SDC2: variants seen among roughly 807,000 people sequenced by gnomAD.
SDC2 encodes syndecan 2, also known as syndecan-2.
In SDC2, 13 loss-of-function variants were observed where a neutral mutation model predicts 22.2. That is an observed-to-expected ratio of 0.59 (90% CI 0.38 to 0.93). SDC2 has a LOEUF of 0.93. Ranked by LOEUF, SDC2 falls within the 40% of genes least tolerant of loss-of-function variation. The pLI, the probability that SDC2 is intolerant of heterozygous loss-of-function variation, is 0.00. For missense variants in SDC2, 235 were observed against 246.8 expected, an observed-to-expected ratio of 0.95 and a Z score of 0.32; for synonymous variants, 94 against 92.8, an observed-to-expected ratio of 1.01 and a Z score of -0.07.
At chr8:96,585,394 C>T (rs1814664747) in intron 1 of SDC2, among the ~76,000 whole-genome samples, 1 of 152,128 alleles carries the variant, frequency 6.6e-6, no homozygotes, top group Admixed American at 6.5e-5. Context: ...TGGCTTGGAA[C>T]ACCTGAGGGT....
At chr8:96,515,615 C>A (rs1813390043) in intron 1 of SDC2, among the ~76,000 whole-genome samples, 2 of 152,122 alleles carry the variant, frequency 1.3e-5, no homozygotes. Flanking sequence ...AAATTCCCAG[C>A]AGATTTTTTC....
chr8:96,608,469 A>C lies in SDC2; in HGVS notation c.441A>C (p.Ala147=). ...TGTTTAAACGGACAGAAGTCCTAGCAGGTGAGTAGCCTGGTGGGCCTCAGG... is the reference window on the plus strand; with the variant it reads ...TGTTTAAACGGACAGAAGTCCTAGCCGGTGAGTAGCCTGGTGGGCCTCAGG... ...DSLFKRTEVL[A]AVIAGGVIGF... is the part of the protein sequence containing the mutation. Residue 147 remains alanine, a splice_region_variant and synonymous_variant, in exon 4 of 5, where the codon GCA becomes GCC. Coordinates refer to ENST00000302190, the MANE Select transcript of SDC2 (RefSeq NM_002998.4). 1.2e-6 allele frequency: 2 copies of C among 1,610,544 alleles called. No individual in the cohort carries two copies. Among genetic ancestry groups the C allele is most frequent in the African/African-American group, 2.7e-5 (2 of 74,974 alleles).
chr8:96,536,011 G>A (rs1369391891), intron 1 of SDC2, among the ~76,000 whole-genome samples: 1 of 152,180 alleles, frequency 6.6e-6, no homozygotes, highest in African/African-American at 2.4e-5. Flanking sequence ...ATTTGTGTAT[G>A]TCAGCCCACT....
chr8:96,579,913 G>A (rs1360390258), intron 1 of SDC2, among the ~76,000 whole-genome samples: 1 of 152,080 alleles, frequency 6.6e-6, no homozygotes, highest in Non-Finnish European at 1.5e-5. Context: ...TAGTTTCTTA[G>A]CATGGGATTG....
chr8:96,583,394 G>A (rs1453320706), intron 1 of SDC2, among the ~76,000 whole-genome samples: 2 of 141,966 alleles, frequency 1.4e-5, no homozygotes, highest in African/African-American at 5.3e-5. Flanking sequence ...TATGACATAT[G>A]TGTGTGTGTG....
intron 1 of SDC2, among the ~76,000 whole-genome samples, chr8:96,553,841 C>T (rs777863465): frequency 1.1e-4 from 17 of 152,048 alleles, no homozygotes; most frequent in South Asian, 6.2e-4. Flanking sequence ...GGCACAATCT[C>T]GGCTCACTGC....
chr8:96,507,647 C>T (rs1029137566), intron 1 of SDC2, among the ~76,000 whole-genome samples: 3 of 152,072 alleles, frequency 2.0e-5, no homozygotes, highest in Non-Finnish European at 4.4e-5. Context: ...AGAATCGGGA[C>T]CAGAAGCAAA....
At chr8:96,599,935 G>A (rs1054857730) in intron 2 of SDC2, among the ~76,000 whole-genome samples, 2 of 152,150 alleles carry the variant, frequency 1.3e-5, no homozygotes, top group Non-Finnish European at 2.9e-5. Context: ...GAGCTCAGGA[G>A]CTCGAGACCA....
chr8:96,606,790 G>A (rs1306272446), intron 3 of SDC2, among the ~76,000 whole-genome samples: 1 of 152,202 alleles, frequency 6.6e-6, no homozygotes, highest in African/African-American at 2.4e-5. Flanking sequence ...ATAATCCTGG[G>A]GGTTTAGTGA....
At chr8:96,595,944 G>A (rs1231185448) in intron 2 of SDC2, among the ~76,000 whole-genome samples, 1 of 152,226 alleles carries the variant, frequency 6.6e-6, no homozygotes, top group East Asian at 1.9e-4. Flanking sequence ...AAGTGAAAGA[G>A]CTTCGTTCTT....
At position 96,561,988 on chromosome 8, in the gene SDC2, T is replaced by TTAATTA. The variant is rs543285138; in HGVS notation, c.61-31487_61-31482dup. ...GACAGTGTCTTTCCCAGAGAAGTTT[T>TTAATTA]TAATTATAATGCAGTCTAGCTTATC... On this transcript the variant is annotated intron_variant, in intron 1 of 4. Transcript: ENST00000302190. Among the ~76,000 whole-genome samples the TTAATTA allele has an allele frequency of 2.6e-3, 397 of 152,326 alleles. 2 individuals are homozygous for TTAATTA. The highest frequency in any genetic ancestry group is 9.2e-3 in the African/African-American group (382 of 41,564).
At chr8:96,597,749 A>C (rs1030741733) in intron 2 of SDC2, among the ~76,000 whole-genome samples, 15 of 152,202 alleles carry the variant, frequency 9.9e-5, no homozygotes, top group Admixed American at 3.9e-4. Flanking sequence ...GGAAGGTGAG[A>C]AGACACAGAG....
At chr8:96,575,140 G>A (rs1814466115) in intron 1 of SDC2, among the ~76,000 whole-genome samples, 1 of 152,118 alleles carries the variant, frequency 6.6e-6, no homozygotes, top group African/African-American at 2.4e-5. Context: ...TCTGTGGCCT[G>A]GGGGTTGGGA....
At chr8:96,582,469 G>A (rs763978647) in intron 1 of SDC2, among the ~76,000 whole-genome samples, 2 of 152,110 alleles carry the variant, frequency 1.3e-5, no homozygotes, top group African/African-American at 4.8e-5. Context: ...TTCTTTTTTA[G>A]CTTTCTTGCT....
At chr8:96,587,393 C>A (rs1814704892) in intron 1 of SDC2, among the ~76,000 whole-genome samples, 2 of 152,196 alleles carry the variant, frequency 1.3e-5, no homozygotes, top group South Asian at 4.1e-4. Flanking sequence ...TGTAAACAAA[C>A]CCTTAAAGTA....
intron 1 of SDC2, among the ~76,000 whole-genome samples, chr8:96,555,310 C>G (rs1244340171): frequency 6.6e-6 from 1 of 152,052 alleles, no homozygotes; most frequent in Non-Finnish European, 1.5e-5. Context: ...TTTCTTAGAC[C>G]ATTGGAATCA....
rs116146395 is a variant in SDC2, at chr8:96,495,427, C to T, written c.60+1096C>T. On this transcript the variant is annotated intron_variant, in intron 1 of 4. Coordinates refer to ENST00000302190, the MANE Select transcript of SDC2 (RefSeq NM_002998.4). ...TTGGCCTCCTCTCGTCCGCAGCTGC[C>T]TCCACCTGGGCGCCAGGAGCTCTGT... 4.1e-3 allele frequency among the ~76,000 whole-genome samples: 620 copies of T among 152,302 alleles called. 6 individuals carry two copies. The highest frequency in any genetic ancestry group is 0.014 in the African/African-American group (592 of 41,576).
In SDC2 at chr8:96,526,772, C is replaced by T. The variant is rs555467938; in HGVS notation, c.60+32441C>T. On this transcript the variant is annotated intron_variant, in intron 1 of 4. Transcript: ENST00000302190. Reference sequence around the variant, plus strand: ...AACTAAAACTTGGATTGTGTGTTGACCCCTGTGTAGCTGTGGCCAGGGCTC... The same window carrying T: ...AACTAAAACTTGGATTGTGTGTTGATCCCTGTGTAGCTGTGGCCAGGGCTC... Among the ~76,000 whole-genome samples, 48 of 152,080 alleles carry T rather than the reference C, an allele frequency of 3.2e-4. No individual in the cohort carries two copies. The South Asian group carries it at 9.7e-3, about 31-fold the overall frequency.
chr8:96,525,872 G>A (rs548924899), intron 1 of SDC2, among the ~76,000 whole-genome samples: 27 of 152,216 alleles, frequency 1.8e-4, no homozygotes, highest in South Asian at 8.3e-4. Context: ...GAAAGCCTCC[G>A]GAAAAGGGTC....
Sources: gnomAD v4.1 joint callset for allele counts (sites outside exome capture counted in the v4.1 genomes callset) on GRCh38, gnomAD v4.1.1 for gene constraint, MANE v1.5 for transcripts, NCBI Gene and HGNC (gene_info 2026-07-23, HGNC 2026-07-21) for gene names.